Variants in DOCK9 observed in about 807,000 individuals in gnomAD.
DOCK9 encodes dedicator of cytokinesis protein 9.
Under a neutral mutation model 263.3 loss-of-function variants are expected in DOCK9, and 89 were observed. The ratio of observed to expected loss-of-function variants is 0.34; its 90% CI spans 0.28 to 0.40. DOCK9 has a LOEUF of 0.40. DOCK9 is among the 10% of genes least tolerant of loss of function. DOCK9 has a pLI of 1.00. For missense variants in DOCK9, 2,140 were observed against 2,603.4 expected, an observed-to-expected ratio of 0.82 and a Z score of 3.87; for synonymous variants, 976 against 973.1, an observed-to-expected ratio of 1.00 and a Z score of -0.06.
chr13:98,933,168 T>A (rs185792033), intron 2 of DOCK9, among the ~76,000 whole-genome samples: 53 of 152,278 alleles, frequency 3.5e-4, no homozygotes, highest in African/African-American at 1.2e-3. Flanking sequence ...CATCAAGAAA[T>A]AGGACTATTA....
chr13:98,892,429 T>C (rs978146558), intron 15 of DOCK9, among the ~76,000 whole-genome samples: 12 of 152,208 alleles, frequency 7.9e-5, no homozygotes, highest in African/African-American at 2.9e-4. Context: ...GGACTGCTAT[T>C]GGTGGTGAGT....
intron 1 of DOCK9, among the ~76,000 whole-genome samples, chr13:98,961,655 C>G (rs1280373801): frequency 6.6e-6 from 1 of 151,872 alleles, no homozygotes; most frequent in African/African-American, 2.4e-5. Context: ...CCTGCAAACA[C>G]TCAGCTCCAC....
chr13:99,000,335 T>C (rs534694159), intron 1 of DOCK9, among the ~76,000 whole-genome samples: 2 of 152,306 alleles, frequency 1.3e-5, no homozygotes, highest in South Asian at 4.1e-4. Context: ...TCCTGTCCTC[T>C]CTTCACAAGG....
At chr13:99,047,685 A>AT (rs912436931) in intron 1 of DOCK9, among the ~76,000 whole-genome samples, 10 of 149,598 alleles carry the variant, frequency 6.7e-5, no homozygotes, top group Non-Finnish European at 8.9e-5. Flanking sequence ...TGCCCAGCTA[A>AT]TTTTTTTTTT....
intron 45 of DOCK9, among the ~76,000 whole-genome samples, chr13:98,818,858 C>T (rs2092082331): frequency 6.6e-6 from 1 of 152,138 alleles, no homozygotes; most frequent in Non-Finnish European, 1.5e-5. Flanking sequence ...TGTGCGCACA[C>T]ATGTGCATGA....
intron 1 of DOCK9, among the ~76,000 whole-genome samples, chr13:98,993,735 C>T (rs1411370182): frequency 8.6e-5 from 13 of 151,794 alleles, no homozygotes; most frequent in African/African-American, 2.4e-4. Context: ...AGCGAGACTC[C>T]GTCTCAAAAA....
intron 14 of DOCK9, 137 bp from the exon 15 acceptor site, chr13:98,897,747 CA>C: frequency 8.1e-7 from 1 of 1,234,096 alleles, no homozygotes; most frequent in Non-Finnish European, 1.1e-6. Context: ...TATCTAAAAA[CA>C]TGGAAAACAT....
At chr13:99,051,148 T>C (rs562604721) in intron 1 of DOCK9, among the ~76,000 whole-genome samples, 62 of 152,186 alleles carry the variant, frequency 4.1e-4, no homozygotes, top group African/African-American at 1.4e-3. Context: ...CCTGAAGCAA[T>C]GGGGGAGGGA....
chr13:98,885,536 T>TAA (rs11411440), intron 20 of DOCK9, 172 bp downstream of exon 20: 17,624 of 475,780 alleles, frequency 0.037, 6 homozygotes, highest in Middle Eastern at 0.059. Flanking sequence ...GCTCAAAAAT[T>TAA]AAAAAAAAAA....
In DOCK9 at chr13:98,794,267, T is replaced by G. The variant is rs1003655933; in HGVS notation, c.*359A>C. On this transcript the variant is annotated 3_prime_UTR_variant, in exon 53 of 53. Coordinates refer to ENST00000682017, the MANE Select transcript of DOCK9 (RefSeq NM_001366683.2). Reference sequence around the variant, plus strand: ...AGGCAAAAGGTCCCCCAGGCATCAATGTCAGTGCAGCCCTCCCTGCCATGT... The same window carrying G: ...AGGCAAAAGGTCCCCCAGGCATCAAGGTCAGTGCAGCCCTCCCTGCCATGT... The G allele has an allele frequency of 9.5e-6, 2 of 211,396 alleles. No homozygotes were observed. The highest frequency in any genetic ancestry group is 1.9e-5 in the Non-Finnish European group (2 of 107,190). The allele number at this position is 211,396 out of a possible 1,614,324, so 13.1% of individuals were successfully genotyped here.
At chr13:98,903,256 G>T in intron 10 of DOCK9, 144 bp from the exon 11 acceptor site, 2 of 669,058 alleles carry the variant, frequency 3.0e-6, no homozygotes, top group South Asian at 3.0e-5. Context: ...TATATAATCG[G>T]TTTCTATGGT....
Position 98,814,087 on chromosome 13 carries a change from C to T in DOCK9, c.5131-3796G>A, listed in dbSNP as rs139475897. ...ACAGGACTAATGCCTACAAAGATTA[C>T]AGATTCAAAGTAAATAAACATTTGT... is the stretch of plus-strand genomic sequence containing the variant. On this transcript the variant is annotated intron_variant, in intron 45 of 52. Coordinates refer to ENST00000682017, the MANE Select transcript of DOCK9 (RefSeq NM_001366683.2). Among the ~76,000 whole-genome samples the T allele has an allele frequency of 4.6e-5, 7 of 152,274 alleles. No homozygotes were observed. The East Asian group carries it at 1.3e-3, about 29-fold the overall frequency.
rs1323183512 is a variant in DOCK9, at chr13:98,831,437, T to C, written c.4546A>G (p.Arg1516Gly). Reference sequence around the variant, plus strand: ...TAGAGCAGCTGGGAGGCCTCCGTCCTGATGGAGCTCAGCTTGGAGTTACAG... The same window carrying C: ...TAGAGCAGCTGGGAGGCCTCCGTCCCGATGGAGCTCAGCTTGGAGTTACAG... ...KCCNSKLSSI[R>G]TEASQLLYFL... Residue 1516 changes from arginine (R) to glycine (G), a missense_variant, in exon 41 of 53, where the codon AGG becomes GGG. By Grantham distance (125) the Arg-to-Gly change is moderately radical. Coordinates refer to ENST00000682017, the MANE Select transcript of DOCK9 (RefSeq NM_001366683.2). 6.2e-7 allele frequency: 1 copy of C among 1,600,508 alleles called. No individual in the cohort carries two copies. The highest frequency in any genetic ancestry group is 8.5e-7 in the Non-Finnish European group (1 of 1,173,134).
intron 1 of DOCK9, among the ~76,000 whole-genome samples, chr13:99,014,172 G>A (rs758331833): frequency 4.1e-4 from 62 of 152,360 alleles, no homozygotes; most frequent in Non-Finnish European, 8.8e-4. Context: ...AGTCTGGTCT[G>A]AGGGAGCAGA....
chr13:99,023,739 G>A (rs991992561), intron 1 of DOCK9, among the ~76,000 whole-genome samples: 1 of 152,176 alleles, frequency 6.6e-6, no homozygotes, highest in Non-Finnish European at 1.5e-5. Flanking sequence ...CCAGAAAAAC[G>A]AGGATGGTAA....
At chr13:99,036,021 A>G (rs1486481506) in intron 1 of DOCK9, among the ~76,000 whole-genome samples, 1 of 152,148 alleles carries the variant, frequency 6.6e-6, no homozygotes, top group Non-Finnish European at 1.5e-5. Flanking sequence ...CCAGCTTGTC[A>G]GCCTTCCAAG....
At chr13:98,906,392 T>C (rs1231795012) in intron 9 of DOCK9, among the ~76,000 whole-genome samples, 10 of 152,156 alleles carry the variant, frequency 6.6e-5, no homozygotes, top group Non-Finnish European at 5.9e-5. Context: ...AGAGAGGCTT[T>C]TCAGACATTC....
chr13:98,919,807 G>T (rs1177326465), intron 7 of DOCK9, among the ~76,000 whole-genome samples: 1 of 152,192 alleles, frequency 6.6e-6, no homozygotes, highest in Non-Finnish European at 1.5e-5. Context: ...AGAAAGCATA[G>T]AGCCCAGGTG....
At chr13:98,913,433 GA>G (rs1279254269) in intron 9 of DOCK9, among the ~76,000 whole-genome samples, 8 of 152,112 alleles carry the variant, frequency 5.3e-5, no homozygotes, top group African/African-American at 1.9e-4. Flanking sequence ...AGAAAAAAAT[GA>G]AAATAATAGA....
Sources: gnomAD v4.1 joint callset for allele counts (sites outside exome capture counted in the v4.1 genomes callset) on GRCh38, gnomAD v4.1.1 for gene constraint, MANE v1.5 for transcripts, NCBI Gene and HGNC (gene_info 2026-07-23, HGNC 2026-07-21) for gene names.